The following KIF26B variants were observed in gnomAD, a reference collection of about 807,000 sequenced individuals.
KIF26B encodes the protein kinesin family member 26B.
In KIF26B, 63 loss-of-function variants were observed where a neutral mutation model predicts 151.2. The ratio of observed to expected loss-of-function variants is 0.42; its 90% CI spans 0.34 to 0.51. The LOEUF (loss-of-function observed/expected upper bound fraction) is 0.51. Among genes scored for constraint, KIF26B ranks in the 20% least tolerant of loss-of-function variants. KIF26B has a pLI of 0.07. For synonymous variants in KIF26B, 1,357 were observed against 1,262.1 expected, an observed-to-expected ratio of 1.08 and a Z score of -1.59; for missense variants, 2,813 against 2,913.6, an observed-to-expected ratio of 0.97 and a Z score of 0.79.
chr1:245,341,981 T>C (rs1672343219), intron 2 of KIF26B, among the ~76,000 whole-genome samples: 1 of 152,238 alleles, frequency 6.6e-6, no homozygotes, highest in Admixed American at 6.5e-5. Context: ...ACTTCAGTTC[T>C]GGATTTTCAA....
intron 4 of KIF26B, among the ~76,000 whole-genome samples, chr1:245,425,133 TC>T (rs1253424092): frequency 6.6e-6 from 1 of 152,118 alleles, no homozygotes; most frequent in Non-Finnish European, 1.5e-5. Flanking sequence ...CATTAGATTT[TC>T]CCATTTGCTG....
intron 4 of KIF26B, among the ~76,000 whole-genome samples, chr1:245,459,906 T>G (rs1659612331): frequency 6.6e-6 from 1 of 152,096 alleles, no homozygotes; most frequent in Non-Finnish European, 1.5e-5. Context: ...CCTTTTTTTT[T>G]TTTCCCTGCC....
intron 2 of KIF26B, among the ~76,000 whole-genome samples, chr1:245,335,292 C>G (rs1355030992): frequency 1.3e-5 from 2 of 152,202 alleles, no homozygotes; most frequent in African/African-American, 4.8e-5. Flanking sequence ...CTTGGATTGC[C>G]ACTTCCCCTT....
chr1:245,435,978 A>C (rs1447778585), intron 4 of KIF26B, among the ~76,000 whole-genome samples: 1 of 152,072 alleles, frequency 6.6e-6, no homozygotes, highest in Non-Finnish European at 1.5e-5. Context: ...GGAGTTCGAG[A>C]CCAGCCTGGC....
intron 6 of KIF26B, among the ~76,000 whole-genome samples, chr1:245,603,057 A>C (rs947105): frequency 0.34 from 51,204 of 151,476 alleles, 9,195 homozygotes; most frequent in East Asian, 0.44. Context: ...AGAAGCAGGA[A>C]GATAACAGAA....
chr1:245,605,870 G>A (rs1192946560), intron 6 of KIF26B, among the ~76,000 whole-genome samples: 2 of 152,148 alleles, frequency 1.3e-5, no homozygotes, highest in Admixed American at 1.3e-4. Flanking sequence ...GCCTCTGCAC[G>A]GGTGACTCAG....
chr1:245,648,462 C>T (rs539995309), intron 10 of KIF26B, among the ~76,000 whole-genome samples: 16 of 151,920 alleles, frequency 1.1e-4, no homozygotes, highest in African/African-American at 3.9e-4. Flanking sequence ...TGGCAAAAAC[C>T]TGTCTCTACA....
At chr1:245,588,052 G>T (rs1034474633) in intron 5 of KIF26B, among the ~76,000 whole-genome samples, 6 of 152,140 alleles carry the variant, frequency 3.9e-5, no homozygotes, top group Non-Finnish European at 2.9e-5. Context: ...AAGCCCCTCG[G>T]CTACAGAGGA....
In KIF26B at chr1:245,155,487, G is replaced by A. The variant is rs749393962; in HGVS notation, c.63G>A (p.Gly21=). 6.8e-6 allele frequency: 11 copies of A among 1,610,152 alleles called. No homozygotes were observed. The highest frequency in any genetic ancestry group is 8.5e-6 in the Non-Finnish European group (10 of 1,177,648). ...TCTCCACCAGGGGCAAGAAATACGG[G>A]GTAAGTTGTGACGGTACGACGCGGA... ...LAVSTRGKKY[G]VNEVCSPTKP... The change falls in exon 1 of 15, where the codon GGG becomes GGA. Residue 21 remains glycine (G), a splice_region_variant and synonymous_variant. Transcript: ENST00000407071.
chr1:245,580,371 G>A (rs368716857), intron 5 of KIF26B, among the ~76,000 whole-genome samples: 4 of 152,208 alleles, frequency 2.6e-5, no homozygotes, highest in Non-Finnish European at 5.9e-5. Context: ...AGGTGTTTCC[G>A]TTGGGGTCTG....
intron 2 of KIF26B, among the ~76,000 whole-genome samples, chr1:245,341,258 TC>T (rs1408251530): frequency 6.6e-6 from 1 of 151,490 alleles, no homozygotes; most frequent in Non-Finnish European, 1.5e-5. Context: ...CTGAGATTAT[TC>T]CTGGGAGCTT....
chr1:245,158,854 G>A (rs1329733379), intron 2 of KIF26B, among the ~76,000 whole-genome samples: 4 of 35,774 alleles, frequency 1.1e-4, no homozygotes, highest in Non-Finnish European at 3.3e-4. Flanking sequence ...GTGTGTGTGT[G>A]TGTGTGTGTG....
At chr1:245,262,258 T>C (rs148922454) in intron 2 of KIF26B, among the ~76,000 whole-genome samples, 73 of 152,226 alleles carry the variant, frequency 4.8e-4, no homozygotes, top group African/African-American at 1.6e-3. Flanking sequence ...GGGCTTCTCA[T>C]TTTGATTACC....
chr1:245,702,715 A>G lies in KIF26B; in HGVS notation c.*109A>G. The G allele has an allele frequency of 7.7e-7, 1 of 1,290,932 alleles. No individual in the cohort carries two copies. Among genetic ancestry groups the G allele is most frequent in the Non-Finnish European group, 1.1e-6 (1 of 951,376 alleles). The allele number at this position is 1,290,932 out of a possible 1,614,324, so 80.0% of individuals were successfully genotyped here. The stretch of plus-strand genomic sequence containing the variant: ...CATCAAAGACAATGAATGAGGATGA[A>G]GGTTGGTGGCAAGTCTGGAGCGGGC... On this transcript the variant is annotated 3_prime_UTR_variant, in exon 15 of 15. Transcript: ENST00000407071. The surrounding 1 kb of genome is among the most constrained non-coding windows in gnomAD (Gnocchi z 4.1).
chr1:245,156,177 C>T (rs1668427939), intron 1 of KIF26B, 105 bp from the exon 2 acceptor site: 3 of 1,459,320 alleles, frequency 2.1e-6, no homozygotes, highest in Admixed American at 4.9e-5. Context: ...AACCGACTCC[C>T]GTGGGCGGTT....
At chr1:245,496,642 T>C (rs965314122) in intron 4 of KIF26B, among the ~76,000 whole-genome samples, 1 of 152,120 alleles carries the variant, frequency 6.6e-6, no homozygotes, top group Non-Finnish European at 1.5e-5. Flanking sequence ...GAACATAAAC[T>C]AGGTGGACTA....
At chr1:245,236,453 T>C (rs1319153497) in intron 2 of KIF26B, among the ~76,000 whole-genome samples, 1 of 152,200 alleles carries the variant, frequency 6.6e-6, no homozygotes, top group Admixed American at 6.5e-5. Context: ...CTTAGCATAG[T>C]TCCTGGGACG....
At chr1:245,463,911 T>TC (rs1387794719) in intron 4 of KIF26B, among the ~76,000 whole-genome samples, 1 of 152,220 alleles carries the variant, frequency 6.6e-6, no homozygotes, top group Non-Finnish European at 1.5e-5. Flanking sequence ...ACCTAAGGCT[T>TC]CCCCGTAATG....
chr1:245,192,458 A>AC (rs1365631601), intron 2 of KIF26B, among the ~76,000 whole-genome samples: 1 of 152,180 alleles, frequency 6.6e-6, no homozygotes, highest in Non-Finnish European at 1.5e-5. Flanking sequence ...CTTTAAAAAC[A>AC]TTTTTAATTT....
Sources: gnomAD v4.1 joint callset for allele counts (sites outside exome capture counted in the v4.1 genomes callset) on GRCh38, gnomAD v4.1.1 for gene constraint, Gnocchi (gnomAD v3.1) non-coding constraint, MANE v1.5 for transcripts, NCBI Gene and HGNC (gene_info 2026-07-23, HGNC 2026-07-21) for gene names.